The following CNKSR1 variants were observed in gnomAD, a reference collection of about 807,000 sequenced individuals.
CNKSR1 encodes connector enhancer of kinase suppressor of Ras 1.
CNKSR1 carries 88 observed loss-of-function variants against 95.6 expected under a neutral mutation model. That is an observed-to-expected ratio of 0.92 (90% CI 0.78 to 1.10). The LOEUF is 1.10. Ranked by LOEUF, CNKSR1 falls within the 50% of genes least tolerant of loss-of-function variation. The pLI is 0.00. For synonymous variants in CNKSR1, 355 were observed against 369.7 expected (o/e 0.96, Z 0.46); for missense variants, 836 against 912.0 (o/e 0.92, Z 1.07).
At position 26,184,481 on chromosome 1, in the gene CNKSR1, C is replaced by G. The variant is rs1240264269; in HGVS notation, c.1081C>G (p.Pro361Ala). The change falls in exon 12 of 21, where the codon CCA (proline) becomes GCA (alanine). Residue 361 changes from proline to alanine, a missense_variant. Coordinates refer to ENST00000361530, the MANE Select transcript of CNKSR1 (RefSeq NM_006314.3). ...ACTCCCAGCAGGGGTAGCAGGGACT[C>G]CAGGGCTCCCTGAATCCCCTGACAA... Reference protein sequence around the residue: ...AILPAGVAGTPGLPESPDKSP... With the variant: ...AILPAGVAGTAGLPESPDKSP... The G allele has an allele frequency of 6.2e-7, 1 of 1,612,902 alleles. No individual in the cohort carries two copies. The highest frequency in any genetic ancestry group is 1.3e-5 in the African/African-American group (1 of 75,026).
chr1:26,184,595 G>T lies in CNKSR1; in HGVS notation c.1118G>T (p.Gly373Val), dbSNP rs755110824. 5.0e-6 allele frequency: 8 copies of T among 1,606,642 alleles called. No individual in the cohort carries two copies. Among genetic ancestry groups the T allele is most frequent in the Non-Finnish European group, 6.8e-6 (8 of 1,176,910 alleles). ...CTGCTGTCCTTTCAGAGTCCTGTTG[G>T]TCGGAAGAAATCAAAAGGTATGAGG... ...LPESPDKSPVGRKKSKGLATR... is the reference protein window; with the variant it reads ...LPESPDKSPVVRKKSKGLATR... Residue 373 changes from glycine to valine, a missense_variant, in exon 13 of 21, where the codon GGT becomes GTT. By Grantham distance (109) the Gly-to-Val change is moderately radical (BLOSUM62 -3). Transcript: ENST00000361530.
At chr1:26,181,524 A>G (rs973693636) in intron 3 of CNKSR1, 4 of 294,720 alleles carry the variant, frequency 1.4e-5, no homozygotes, top group Non-Finnish European at 2.0e-5. Flanking sequence ...TCCAAGCTAT[A>G]CTATTAATAA....
At chr1:26,177,829 T>C (rs1283934064) in intron 1 of CNKSR1, among the ~76,000 whole-genome samples, 6 of 151,764 alleles carry the variant, frequency 4.0e-5, no homozygotes, top group African/African-American at 1.5e-4. Flanking sequence ...TATCTGGGGG[T>C]GGTGGCAGGT....
rs2088825553 is a variant in CNKSR1, at chr1:26,189,427, C to T, written c.2021C>T (p.Ser674Phe). The change falls in exon 21 of 21, where the codon TCC (serine) becomes TTC (phenylalanine). Residue 674 changes from serine to phenylalanine, a missense_variant. Coordinates refer to ENST00000361530, the MANE Select transcript of CNKSR1 (RefSeq NM_006314.3). ...GGAGTGGCACAGGCTGAAGGCAGCTCCCACATCTTGACCTCTGACTCCACA... is the reference window on the plus strand; with the variant it reads ...GGAGTGGCACAGGCTGAAGGCAGCTTCCACATCTTGACCTCTGACTCCACA... ...AWGVAQAEGS[S>F]HILTSDSTEQ... The T allele has an allele frequency of 1.2e-6, 2 of 1,614,128 alleles. No individual in the cohort carries two copies. Among genetic ancestry groups the T allele is most frequent in the Non-Finnish European group, 1.7e-6 (2 of 1,180,024 alleles).
In CNKSR1 at chr1:26,184,268, A is replaced by T; in HGVS notation, c.981A>T (p.Gly327=). The change falls in exon 11 of 21, where the codon GGA becomes GGT. Residue 327 remains glycine, a synonymous_variant. Coordinates refer to ENST00000361530, the MANE Select transcript of CNKSR1 (RefSeq NM_006314.3). ...ACCTGTCTTCAAACCCCAGTCCCGG[A>T]CCCAGCCCTGCCTGGACAGGTAGTC... is the stretch of plus-strand genomic sequence containing the variant. ...AFDLSSNPSP[G]PSPAWTDSAS... is the part of the protein sequence containing the mutation. 1 of 1,613,050 alleles carries T rather than the reference A, an allele frequency of 6.2e-7. No homozygotes were observed. Among genetic ancestry groups the T allele is most frequent in the Non-Finnish European group, 8.5e-7 (1 of 1,179,778 alleles).
chr1:26,179,507 T>G (rs1447675090), intron 1 of CNKSR1, among the ~76,000 whole-genome samples: 1 of 152,164 alleles, frequency 6.6e-6, no homozygotes, highest in Non-Finnish European at 1.5e-5. Context: ...CTCTTCAGGA[T>G]ATGATGCTGG....
At chr1:26,185,441 G>A (rs151120976) in intron 14 of CNKSR1, among the ~76,000 whole-genome samples, 1,606 of 147,818 alleles carry the variant, frequency 0.011, 37 homozygotes, top group African/African-American at 0.039. Context: ...TGCCCAGGCC[G>A]GAGTGCAGTG....
chr1:26,183,154 G>C (rs1160775090), intron 6 of CNKSR1, 43 bp from the exon 7 acceptor site: 1 of 1,602,238 alleles, frequency 6.2e-7, no homozygotes, highest in Non-Finnish European at 8.6e-7. Flanking sequence ...TATTGGCCCT[G>C]TTGCCCCCCA....
In CNKSR1 at chr1:26,177,978, A is replaced by T. The variant is rs202023936; in HGVS notation, c.52+379A>T. Reference sequence around the variant, plus strand: ...CGAGATTCAGCTCAAAAGAAAAAAAAAAATAATAAACTGCGGGCTCTATCA... The same window carrying T: ...CGAGATTCAGCTCAAAAGAAAAAAATAAATAATAAACTGCGGGCTCTATCA... On this transcript the variant is annotated intron_variant, in intron 1 of 20. Transcript: ENST00000361530. 8.5e-5 allele frequency among the ~76,000 whole-genome samples: 13 copies of T among 152,212 alleles called. No individual in the cohort carries two copies. The East Asian group carries it at 2.3e-3, about 27-fold the overall frequency.
intron 14 of CNKSR1, 52 bp downstream of exon 14, chr1:26,185,238 C>G: frequency 6.6e-7 from 1 of 1,514,016 alleles, no homozygotes; most frequent in South Asian, 1.2e-5. Context: ...TTCCAGGCCT[C>G]GATTCTCATC....
chr1:26,186,556 C>A (rs1392208177), intron 14 of CNKSR1, among the ~76,000 whole-genome samples: 1 of 152,198 alleles, frequency 6.6e-6, no homozygotes, highest in African/African-American at 2.4e-5. Context: ...CTCATGGCAA[C>A]CTTTTCCTCC....
chr1:26,183,311 G>A (rs2088678777), intron 7 of CNKSR1, 35 bp from the exon 8 acceptor site: 3 of 1,614,174 alleles, frequency 1.9e-6, no homozygotes, highest in Non-Finnish European at 2.5e-6. Context: ...TCACCTGCAA[G>A]CCAGGCCAAC....
chr1:26,183,756 A>T lies in CNKSR1; in HGVS notation c.781A>T (p.Arg261Trp), dbSNP rs762653995. The T allele has an allele frequency of 3.1e-6, 5 of 1,613,470 alleles. No homozygotes were observed. Among genetic ancestry groups the T allele is most frequent in the Non-Finnish European group, 4.2e-6 (5 of 1,179,604 alleles). The change falls in exon 9 of 21, where the codon AGG becomes TGG. Residue 261 changes from arginine (R) to tryptophan (W), a missense_variant. Transcript: ENST00000361530. The part of the protein sequence containing the change: ...VVGWPRKNMV[R>W]ELLREPAGLS... ...GGGATGGCCCCGTAAGAACATGGTGAGGGAACTGCTGCGGGAGCCAGCCGG... is the reference window on the plus strand; with the variant it reads ...GGGATGGCCCCGTAAGAACATGGTGTGGGAACTGCTGCGGGAGCCAGCCGG...
rs534286518 is a variant in CNKSR1 at position 26,183,873 on chromosome 1, C to T, written c.855+43C>T. 5 of 544,778 alleles carry T rather than the reference C, an allele frequency of 9.2e-6. 1 individual carries two copies. Among genetic ancestry groups the T allele is most frequent in the South Asian group, 4.7e-5 (3 of 64,192 alleles). 33.7% of individuals were successfully genotyped at this position (544,778 alleles called of 1,614,324 possible). A position where few individuals can be genotyped will look rare whatever the true frequency, so the allele number is the denominator to read the frequency against. On this transcript the variant is annotated intron_variant, in intron 9 of 20. Transcript: ENST00000361530. Reference sequence around the variant, plus strand: ...CCCCCGACCTGCCTTCAGACCCCCCCCTCCACAGGTACCTGCCCCCACCAC... The same window carrying T: ...CCCCCGACCTGCCTTCAGACCCCCCTCTCCACAGGTACCTGCCCCCACCAC...
chr1:26,182,657 G>C (rs535009216), intron 6 of CNKSR1, 73 bp downstream of exon 6: 2 of 1,290,380 alleles, frequency 1.5e-6, no homozygotes, highest in African/African-American at 2.9e-5. Flanking sequence ...TAGGGTCCAG[G>C]ATCCCACAGA....
At position 26,180,900 on chromosome 1, in the gene CNKSR1, C is replaced by T. The variant is rs2088636993; in HGVS notation, c.392+4C>T. On this transcript the variant is annotated splice_donor_region_variant and intron_variant, in intron 3 of 20. Transcript: ENST00000361530. ...CCCTCCTCTTCTGGCTCAGCAGGTA[C>T]CCGGGTTGGGGTGACGAGTGAGGGA... 1.2e-6 allele frequency: 2 copies of T among 1,614,136 alleles called. No homozygotes were observed. Among genetic ancestry groups the T allele is most frequent in the Non-Finnish European group, 1.7e-6 (2 of 1,180,030 alleles).
At position 26,177,507 on chromosome 1, in the gene CNKSR1, A is replaced by G. The variant is rs1557617412; in HGVS notation, c.-41A>G. The G allele has an allele frequency of 2.5e-6, 4 of 1,612,864 alleles. No individual in the cohort carries two copies. The highest frequency in any genetic ancestry group is 1.7e-5 in the Admixed American group (1 of 59,922). On this transcript the variant is annotated 5_prime_UTR_variant, in exon 1 of 21. Transcript: ENST00000361530. ...TGGGAGCGGAAATTCCGGCGACAGCAGGGCAAAACAGGAGCTGATTCGAGC... is the reference window on the plus strand; with the variant it reads ...TGGGAGCGGAAATTCCGGCGACAGCGGGGCAAAACAGGAGCTGATTCGAGC...
intron 20 of CNKSR1, 104 bp from the exon 21 acceptor site, chr1:26,189,175 A>G: frequency 1.4e-6 from 2 of 1,441,312 alleles, no homozygotes; most frequent in Admixed American, 1.7e-5. Flanking sequence ...CACGCTGGCC[A>G]GGTGCTGGCT....
chr1:26,188,437 C>T lies in CNKSR1; in HGVS notation c.1529-5C>T. ...CCAAAAACCCACTGCTGCTCCTCAC[C>T]CCAGACTGCTACAGTGAGACCGAAG... On this transcript the variant is annotated splice_polypyrimidine_tract_variant and splice_region_variant and intron_variant, in intron 17 of 20. Coordinates refer to ENST00000361530, the MANE Select transcript of CNKSR1 (RefSeq NM_006314.3). 6.2e-7 allele frequency: 1 copy of T among 1,605,346 alleles called. No homozygotes were observed. The highest frequency in any genetic ancestry group is 2.2e-5 in the East Asian group (1 of 44,564).
Sources: gnomAD v4.1 joint callset for allele counts (sites outside exome capture counted in the v4.1 genomes callset) on GRCh38, gnomAD v4.1.1 for gene constraint, MANE v1.5 for transcripts, NCBI Gene and HGNC (gene_info 2026-07-23, HGNC 2026-07-21) for gene names.